NDUFA7: variants seen among roughly 807,000 people sequenced by gnomAD.
The protein encoded by NDUFA7 is NADH dehydrogenase [ubiquinone] 1 alpha subcomplex subunit 7.
A neutral mutation model predicts 14.2 loss-of-function variants in NDUFA7; 18 were observed. The observed-to-expected ratio is 1.27, with a 90% confidence interval of 0.88 to 1.88. The LOEUF is 1.88. Ranked by LOEUF, NDUFA7 falls within the 40% of genes most tolerant of loss-of-function variation. The pLI is 0.00. For missense variants in NDUFA7, 172 were observed against 147.3 expected (o/e 1.17, Z -0.87); for synonymous variants, 75 against 62.1 (o/e 1.21, Z -0.98).
chr19:8,317,454 A>G (rs1434145629), intron 2 of NDUFA7, among the ~76,000 whole-genome samples: 1 of 152,118 alleles, frequency 6.6e-6, no homozygotes, highest in African/African-American at 2.4e-5. Context: ...GGTTGCAGTG[A>G]GCTGAGATCA....
chr19:8,319,175 G>A (rs1272079209), intron 2 of NDUFA7: 1 of 152,054 alleles, frequency 6.6e-6, no homozygotes, highest in Non-Finnish European at 1.5e-5. Context: ...TAATACCTAA[G>A]TGATAGGTTG....
At position 8,320,892 on chromosome 19, in the gene NDUFA7, C is replaced by T. The variant is rs1244733856; in HGVS notation, c.66G>A (p.Gly22=). 1.9e-6 allele frequency: 3 copies of T among 1,613,644 alleles called. No homozygotes were observed. The highest frequency in any genetic ancestry group is 2.7e-5 in the African/African-American group (2 of 74,916). ...RNWASGHDLQ[G]KLQLRYQEIS... ...TCTCCTGGTAGCGTAGCTGCAGCTT[C>T]CCCTGCAGGTCATGCTGTGGGAAGA... The change falls in exon 2 of 4, where the codon GGG becomes GGA. Residue 22 remains glycine (G), a synonymous_variant. Coordinates refer to ENST00000301457, the MANE Select transcript of NDUFA7 (RefSeq NM_005001.5).
At chr19:8,310,942 A>T (rs1473852677), downstream of NDUFA7, among the ~76,000 whole-genome samples, 1 of 151,932 alleles carries the variant, frequency 6.6e-6, no homozygotes, top group Non-Finnish European at 1.5e-5. Flanking sequence ...TGAGCCCAGG[A>T]GGCAGAGGTT....
intron 2 of NDUFA7, among the ~76,000 whole-genome samples, chr19:8,320,256 T>A (rs1343059156): frequency 6.6e-6 from 1 of 152,224 alleles, no homozygotes; most frequent in African/African-American, 2.4e-5. Context: ...CATCTGACTT[T>A]ACGTAGCCAC....
rs1204773991 is a variant in NDUFA7, at chr19:8,321,351, G to T, written c.8C>A (p.Ser3Tyr). The change falls in exon 1 of 4, where the codon TCC (serine) becomes TAC (tyrosine). Residue 3 changes from serine to tyrosine, a missense_variant. Coordinates refer to ENST00000301457, the MANE Select transcript of NDUFA7 (RefSeq NM_005001.5). The part of the protein sequence containing the change: MA[S>Y]ATRLIQRLRN... ...CAGCCGCTGGATGAGACGGGTGGCG[G>T]ACGCCATCTTCCGTCCGCGATACTG... is the stretch of plus-strand genomic sequence containing the variant. 8 of 1,576,358 alleles carry T rather than the reference G, an allele frequency of 5.1e-6. No individual in the cohort carries two copies. The highest frequency in any genetic ancestry group is 3.7e-5 in the Admixed American group (2 of 54,678).
chr19:8,321,090 C>T (rs1452580176), intron 1 of NDUFA7, 184 bp from the exon 2 acceptor site: 32 of 868,682 alleles, frequency 3.7e-5, no homozygotes, highest in Non-Finnish European at 3.0e-5. Context: ...CCCACAGATC[C>T]AAGGCTAAGA....
chr19:8,318,744 C>T (rs1191968405), intron 2 of NDUFA7, among the ~76,000 whole-genome samples: 1 of 144,638 alleles, frequency 6.9e-6, no homozygotes, highest in East Asian at 2.1e-4. Context: ...GAGGCCGAGG[C>T]GGGCAGATCA....
chr19:8,318,771 G>A (rs1970265955), intron 2 of NDUFA7, among the ~76,000 whole-genome samples: 1 of 147,230 alleles, frequency 6.8e-6, no homozygotes, highest in African/African-American at 2.5e-5. Context: ...CAAGAGATCA[G>A]ACCATCCTGG....
At chr19:8,321,013 G>A in intron 1 of NDUFA7, 107 bp from the exon 2 acceptor site, 2 of 1,305,028 alleles carry the variant, frequency 1.5e-6, no homozygotes, top group South Asian at 2.4e-5. Context: ...TTAAGGGAAG[G>A]CAGGGGATGA....
Position 8,321,289 on chromosome 19 carries a change from C to T in NDUFA7, c.51+19G>A, listed in dbSNP as rs1970306097. On this transcript the variant is annotated intron_variant, in intron 1 of 3. Coordinates refer to ENST00000301457, the MANE Select transcript of NDUFA7 (RefSeq NM_005001.5). ...GAGCCCGAAGCCCCCCATGGTGCAG[C>T]CCTGTCCGCCCCGCGCACCCCGGAC... 1 of 1,557,680 alleles carries T rather than the reference C, an allele frequency of 6.4e-7. No homozygotes were observed. Among genetic ancestry groups the T allele is most frequent in the Non-Finnish European group, 8.7e-7 (1 of 1,154,834 alleles).
intron 3 of NDUFA7, among the ~76,000 whole-genome samples, chr19:8,314,029 G>C (rs78411724): frequency 0.013 from 1,908 of 152,294 alleles, 20 homozygotes; most frequent in Non-Finnish European, 0.021. Flanking sequence ...CTGTCTCTGA[G>C]AAGAATACAT....
intron 3 of NDUFA7, among the ~76,000 whole-genome samples, chr19:8,313,512 G>A (rs770825134): frequency 6.6e-6 from 1 of 152,244 alleles, no homozygotes; most frequent in Non-Finnish European, 1.5e-5. Flanking sequence ...TTACAGGCGT[G>A]AGCCACCGCG....
At position 8,311,493 on chromosome 19, in the gene NDUFA7, G is replaced by A. The variant is rs4147652; in HGVS notation, c.*12C>T. 25 of 1,589,548 alleles carry A rather than the reference G, an allele frequency of 1.6e-5. No homozygotes were observed. In the Admixed American group the frequency reaches 2.3e-4, roughly 15 times the overall value. On this transcript the variant is annotated 3_prime_UTR_variant, in exon 4 of 4. Coordinates refer to ENST00000301457, the MANE Select transcript of NDUFA7 (RefSeq NM_005001.5). ...GGAGGCAAAGTAGTCGGGTGGCCGTGAGGGTGCAGTGTCACAGGTAAGGCT... is the reference window on the plus strand; with the variant it reads ...GGAGGCAAAGTAGTCGGGTGGCCGTAAGGGTGCAGTGTCACAGGTAAGGCT...
chr19:8,311,279 C>T (rs909751210), downstream of NDUFA7: 15 of 343,258 alleles, frequency 4.4e-5, no homozygotes, highest in African/African-American at 3.0e-4. Context: ...GTGGCTCATG[C>T]CTGTAATCCC....
chr19:8,313,477 T>C (rs1215647386), intron 3 of NDUFA7, among the ~76,000 whole-genome samples: 1 of 148,892 alleles, frequency 6.7e-6, no homozygotes, highest in African/African-American at 2.5e-5. Flanking sequence ...TGATCCGCCC[T>C]CCCCGGCCTC....
At chr19:8,311,826 C>T (rs1970181772) in intron 3 of NDUFA7, among the ~76,000 whole-genome samples, 1 of 152,178 alleles carries the variant, frequency 6.6e-6, no homozygotes, top group Admixed American at 6.6e-5. Context: ...TGTATGAACC[C>T]CCTGCTGTGG....
intron 2 of NDUFA7, 115 bp from the exon 3 acceptor site, chr19:8,316,760 A>T: frequency 7.7e-7 from 1 of 1,306,394 alleles, no homozygotes; most frequent in Non-Finnish European, 1.1e-6. Flanking sequence ...CCACTGGGAT[A>T]AGCCACAGGC....
Position 8,321,332 on chromosome 19 carries a change from C to A in NDUFA7, c.27G>T (p.Gln9His), listed in dbSNP as rs897507955. ...CCCCGGACGCCCAGTTCCGCAGCCG[C>A]TGGATGAGACGGGTGGCGGACGCCA... is the stretch of plus-strand genomic sequence containing the variant. MASATRLI[Q>H]RLRNWASGHD... The change falls in exon 1 of 4, where the codon CAG becomes CAT. Residue 9 changes from glutamine to histidine, a missense_variant. Coordinates refer to ENST00000301457, the MANE Select transcript of NDUFA7 (RefSeq NM_005001.5). 29 of 1,580,544 alleles carry A rather than the reference C, an allele frequency of 1.8e-5. No homozygotes were observed. Among genetic ancestry groups the A allele is most frequent in the Admixed American group, 1.8e-4 (10 of 55,442 alleles).
intron 1 of NDUFA7, 189 bp downstream of exon 1, chr19:8,321,119 A>C (rs1970302094): frequency 1.1e-6 from 1 of 897,978 alleles, no homozygotes; most frequent in African/African-American, 1.7e-5. Context: ...GACTGGGGAA[A>C]TCCCAGGCCT....
Sources: gnomAD v4.1 joint callset for allele counts (sites outside exome capture counted in the v4.1 genomes callset) on GRCh38, gnomAD v4.1.1 for gene constraint, MANE v1.5 for transcripts, NCBI Gene and HGNC (gene_info 2026-07-23, HGNC 2026-07-21) for gene names.